MTNR1B: variants seen among roughly 807,000 people sequenced by gnomAD.
The protein encoded by MTNR1B is melatonin receptor type 1B.
A neutral mutation model predicts 7.0 loss-of-function variants in MTNR1B; 7 were observed. The ratio of observed to expected loss-of-function variants is 1.00; its 90% confidence interval spans 0.57 to 1.88. The LOEUF (loss-of-function observed/expected upper bound fraction) is 1.88, where lower values mean the gene tolerates loss of function less well. Among genes scored for constraint, MTNR1B ranks in the 40% most tolerant of loss-of-function variants. The pLI, the probability that MTNR1B is intolerant of heterozygous loss-of-function variation, is 0.00. For synonymous variants in MTNR1B, 226 were observed against 208.2 expected (o/e 1.09, Z -0.74); for missense variants, 478 against 486.5 (o/e 0.98, Z 0.16).
intron 1 of MTNR1B, 118 bp from the exon 2 acceptor site, chr11:92,981,329 C>T (rs966284314): frequency 9.2e-6 from 13 of 1,415,562 alleles, no homozygotes. Context: ...TTCTGTGCCT[C>T]TAAGAGCCAC....
At chr11:92,970,488 A>AT (rs1158527430) in intron 1 of MTNR1B, among the ~76,000 whole-genome samples, 9 of 152,252 alleles carry the variant, frequency 5.9e-5, no homozygotes, top group Non-Finnish European at 1.5e-5. Flanking sequence ...CGGAGAGTAA[A>AT]TGCAGAAATT....
chr11:92,971,724 CT>C (rs1019098547), intron 1 of MTNR1B, among the ~76,000 whole-genome samples: 9 of 152,126 alleles, frequency 5.9e-5, no homozygotes, highest in African/African-American at 1.9e-4. Flanking sequence ...GAGTTGCTTC[CT>C]TTTGCTGGAA....
Position 92,981,608 on chromosome 11 carries a change from T to C in MTNR1B, c.385T>C (p.Phe129Leu), listed in dbSNP as rs1858104582. ...VMGLSVIGSV[F>L]NITAIAINRY... Reference sequence around the variant, plus strand: ...GGGCCTGAGCGTCATCGGCTCTGTCTTCAATATCACTGCCATCGCCATTAA... The same window carrying C: ...GGGCCTGAGCGTCATCGGCTCTGTCCTCAATATCACTGCCATCGCCATTAA... Residue 129 changes from phenylalanine to leucine, a missense_variant, in exon 2 of 2, where the codon TTC becomes CTC. Phe to Leu is a conservative substitution (Grantham distance 22). Transcript: ENST00000257068. 1 of 1,614,176 alleles carries C rather than the reference T, an allele frequency of 6.2e-7. No individual in the cohort carries two copies. The highest frequency in any genetic ancestry group is 8.5e-7 in the Non-Finnish European group (1 of 1,180,024).
In MTNR1B at chr11:92,981,869, G is replaced by A. The variant is rs758301076; in HGVS notation, c.646G>A (p.Val216Met). The A allele has an allele frequency of 7.4e-6, 12 of 1,614,040 alleles. No individual in the cohort carries two copies. The highest frequency in any genetic ancestry group is 5.3e-5 in the African/African-American group (4 of 74,930). ...VIHFLLPIAV[V>M]SFCYLRIWVL... ...CCACTTCCTCCTCCCTATCGCTGTC[G>A]TGTCCTTCTGCTACCTGCGCATCTG... Residue 216 changes from valine to methionine, a missense_variant, in exon 2 of 2, where the codon GTG becomes ATG. Transcript: ENST00000257068.
intron 1 of MTNR1B, among the ~76,000 whole-genome samples, chr11:92,979,904 C>T (rs1182061989): frequency 6.6e-6 from 1 of 152,004 alleles, no homozygotes; most frequent in East Asian, 1.9e-4. Context: ...CTTTTCCTAC[C>T]CTTGTGGGTG....
intron 1 of MTNR1B, chr11:92,972,425 G>A (rs1450165859): frequency 1.1e-5 from 5 of 456,110 alleles, no homozygotes; most frequent in African/African-American, 1.0e-4. Flanking sequence ...CTGATGGCAG[G>A]GTGAGTGGTT....
chr11:92,983,585 G>A (rs1207252821), downstream of MTNR1B, among the ~76,000 whole-genome samples: 1 of 152,052 alleles, frequency 6.6e-6, no homozygotes, highest in Non-Finnish European at 1.5e-5. Flanking sequence ...TGGGGTAGGG[G>A]ACATGGAAGT....
chr11:92,969,717 G>T lies in MTNR1B; in HGVS notation c.-9G>T. ...GCGGTGGCCAAAGCACAGCGCGGGAGAGTCTGCGATGTCAGAGAACGGCTC... is the reference window on the plus strand; with the variant it reads ...GCGGTGGCCAAAGCACAGCGCGGGATAGTCTGCGATGTCAGAGAACGGCTC... On this transcript the variant is annotated 5_prime_UTR_variant, in exon 1 of 2. Transcript: ENST00000257068. 6.8e-7 allele frequency: 1 copy of T among 1,468,544 alleles called. No homozygotes were observed. Among genetic ancestry groups the T allele is most frequent in the Non-Finnish European group, 9.0e-7 (1 of 1,110,464 alleles). The allele number at this position is 1,468,544 out of a possible 1,614,324, so 91.0% of individuals were successfully genotyped here.
At chr11:92,976,703 A>G (rs1474464827) in intron 1 of MTNR1B, among the ~76,000 whole-genome samples, 1 of 152,198 alleles carries the variant, frequency 6.6e-6, no homozygotes, top group African/African-American at 2.4e-5. Flanking sequence ...TACCAAGTCC[A>G]ATGAGCACTT....
downstream of MTNR1B, among the ~76,000 whole-genome samples, chr11:92,983,684 G>A (rs189912514): frequency 1.9e-4 from 29 of 152,194 alleles, no homozygotes; most frequent in Admixed American, 3.3e-4. Flanking sequence ...TTTGTTTAGC[G>A]CCAACAGAAT....
Position 92,981,717 on chromosome 11 carries a change from G to A in MTNR1B, c.494G>A (p.Trp165Ter). ...ACCCCTCTGCACATCTGCCTCATCT[G>A]GCTCCTCACCGTGGTGGCCTTGCTG... is the stretch of plus-strand genomic sequence containing the variant. ...WHTPLHICLI[W>*]LLTVVALLPN... Residue 165 changes from tryptophan (W) to a stop codon, truncating the protein, a stop_gained, in exon 2 of 2, where the codon TGG (tryptophan) becomes TAG (stop). Coordinates refer to ENST00000257068, the MANE Select transcript of MTNR1B (RefSeq NM_005959.5). LOFTEE classifies it low-confidence loss of function (END_TRUNC). The A allele has an allele frequency of 6.2e-7, 1 of 1,614,196 alleles. No homozygotes were observed. The highest frequency in any genetic ancestry group is 8.5e-7 in the Non-Finnish European group (1 of 1,180,030).
At position 92,982,006 on chromosome 11, in the gene MTNR1B, C is replaced by T. The variant is rs903400400; in HGVS notation, c.783C>T (p.Ala261=). The change falls in exon 2 of 2, where the codon GCC becomes GCT. Residue 261 remains alanine (A), a synonymous_variant. Transcript: ENST00000257068. ...TGTTTGTGGTGTTTGTGATCTTTGCCATCTGCTGGGCTCCACTTAACTGCA... is the reference window on the plus strand; with the variant it reads ...TGTTTGTGGTGTTTGTGATCTTTGCTATCTGCTGGGCTCCACTTAACTGCA... ...LTMFVVFVIF[A]ICWAPLNCIG... 5.6e-6 allele frequency: 9 copies of T among 1,614,218 alleles called. No individual in the cohort carries two copies. The Middle Eastern group carries it at 6.6e-4, about 118-fold the overall frequency.
chr11:92,979,507 G>A (rs563451793), intron 1 of MTNR1B, among the ~76,000 whole-genome samples: 2 of 152,360 alleles, frequency 1.3e-5, no homozygotes, highest in Middle Eastern at 6.8e-3. Flanking sequence ...TCTGTGAATA[G>A]TAGAGTAGGT....
rs61741965 is a variant in MTNR1B at position 92,982,134 on chromosome 11, A to G, written c.911A>G (p.Asn304Ser). ...CTGGCTTATTTCAACAGCTGCCTGA[A>G]TGCCATTGTCTATGGGCTCTTGAAC... ...YLLAYFNSCL[N>S]AIVYGLLNQN... Residue 304 changes from asparagine (N) to serine (S), a missense_variant, in exon 2 of 2, where the codon AAT becomes AGT. Physicochemically the swap from Asn to Ser is conservative, Grantham distance 46 (BLOSUM62 1). Transcript: ENST00000257068. 1.4e-5 allele frequency: 23 copies of G among 1,614,244 alleles called. No homozygotes were observed. The highest frequency in any genetic ancestry group is 3.3e-5 in the South Asian group (3 of 91,088).
intron 1 of MTNR1B, among the ~76,000 whole-genome samples, chr11:92,978,432 G>A (rs1858044968): frequency 6.6e-6 from 1 of 152,130 alleles, no homozygotes; most frequent in African/African-American, 2.4e-5. Context: ...TCTGCTGGAG[G>A]CAGATGGAAA....
At chr11:92,970,796 C>A (rs1857911267) in intron 1 of MTNR1B, among the ~76,000 whole-genome samples, 1 of 152,256 alleles carries the variant, frequency 6.6e-6, no homozygotes, top group African/African-American at 2.4e-5. Flanking sequence ...GTTAATTTTG[C>A]AGTTTCTTCA....
In MTNR1B at chr11:92,982,445, C is replaced by A. The variant is rs1562443; in HGVS notation, c.*133C>A. On this transcript the variant is annotated 3_prime_UTR_variant, in exon 2 of 2. Coordinates refer to ENST00000257068, the MANE Select transcript of MTNR1B (RefSeq NM_005959.5). Reference sequence around the variant, plus strand: ...CATCACAGCCCCAAGGCTGGGGGAACTTCATGCTGGGACAAGCAGCCCATC... The same window carrying A: ...CATCACAGCCCCAAGGCTGGGGGAAATTCATGCTGGGACAAGCAGCCCATC... 3 of 1,138,498 alleles carry A rather than the reference C, an allele frequency of 2.6e-6. No homozygotes were observed. The highest frequency in any genetic ancestry group is 2.9e-5 in the Admixed American group (1 of 34,828). The allele number at this position is 1,138,498 out of a possible 1,614,324, so 70.5% of individuals were successfully genotyped here. A position where few individuals can be genotyped will look rare whatever the true frequency, so the allele number is the denominator to read the frequency against.
chr11:92,984,022 TA>T (rs1858160345), downstream of MTNR1B, among the ~76,000 whole-genome samples: 1 of 152,192 alleles, frequency 6.6e-6, no homozygotes, highest in African/African-American at 2.4e-5. Flanking sequence ...ACCCTACTTC[TA>T]TCCCCCATCA....
chr11:92,981,747 A>G lies in MTNR1B; in HGVS notation c.524A>G (p.Asn175Ser), dbSNP rs368218569. 10 of 1,613,910 alleles carry G rather than the reference A, an allele frequency of 6.2e-6. No individual in the cohort carries two copies. Among genetic ancestry groups the G allele is most frequent in the Non-Finnish European group, 8.5e-6 (10 of 1,180,018 alleles). The change falls in exon 2 of 2, where the codon AAC becomes AGC. Residue 175 changes from asparagine to serine, a missense_variant. Physicochemically the swap from Asn to Ser is conservative, Grantham distance 46. Coordinates refer to ENST00000257068, the MANE Select transcript of MTNR1B (RefSeq NM_005959.5). ...WLLTVVALLP[N>S]FFVGSLEYDP... The stretch of plus-strand genomic sequence containing the variant: ...CTCACCGTGGTGGCCTTGCTGCCCA[A>G]CTTCTTTGTGGGGTCCCTGGAGTAC...
Sources: gnomAD v4.1 joint callset for allele counts (sites outside exome capture counted in the v4.1 genomes callset) on GRCh38, gnomAD v4.1.1 for gene constraint, MANE v1.5 for transcripts, NCBI Gene and HGNC (gene_info 2026-07-23, HGNC 2026-07-21) for gene names.